The following ZNF431 variants were observed in gnomAD, a reference collection of about 807,000 sequenced individuals.
The protein encoded by ZNF431 is zinc finger protein 431.
Under a neutral mutation model 57.0 loss-of-function variants are expected in ZNF431, and 34 were observed. The ratio of observed to expected loss-of-function variants is 0.60; its 90% confidence interval spans 0.45 to 0.79. The LOEUF (loss-of-function observed/expected upper bound fraction) is 0.79. Ranked by LOEUF, ZNF431 falls within the 30% of genes least tolerant of loss-of-function variation. ZNF431 has a pLI of 0.00. For synonymous variants in ZNF431, 207 were observed against 220.3 expected (o/e 0.94, Z 0.54); for missense variants, 607 against 667.1 (o/e 0.91, Z 0.99).
In ZNF431 at chr19:21,182,798, C is replaced by T; in HGVS notation, c.495C>T (p.Asn165=). 1.2e-6 allele frequency: 2 copies of T among 1,613,948 alleles called. No individual in the cohort carries two copies. Among genetic ancestry groups the T allele is most frequent in the East Asian group, 2.2e-5 (1 of 44,836 alleles). The change falls in exon 5 of 5, where the codon AAC becomes AAT. Residue 165 remains asparagine, a synonymous_variant. Transcript: ENST00000311048. ...ACAAAGAAGGTTATAATGAGCTAAA[C>T]CAGTGTTTGACAACTACCCAGAGCA... ...KVHKEGYNEL[N]QCLTTTQSKI...
chr19:21,153,895 T>C (rs943642907), intron 2 of ZNF431, among the ~76,000 whole-genome samples: 13 of 152,208 alleles, frequency 8.5e-5, no homozygotes, highest in Non-Finnish European at 1.5e-5. Context: ...TTTGTATTTT[T>C]AGTAGAGACG....
At chr19:21,172,297 GTA>G (rs1568309436) in intron 4 of ZNF431, among the ~76,000 whole-genome samples, 1 of 151,008 alleles carries the variant, frequency 6.6e-6, no homozygotes, top group Non-Finnish European at 1.5e-5. Flanking sequence ...ACATGGTGGT[GTA>G]TGTGTGTAAT....
intron 4 of ZNF431, among the ~76,000 whole-genome samples, chr19:21,170,358 C>A (rs899104433): frequency 1.3e-5 from 2 of 152,068 alleles, no homozygotes; most frequent in African/African-American, 2.4e-5. Flanking sequence ...CGAGGATAAT[C>A]AAATAGAGCA....
chr19:21,162,767 A>G, intron 2 of ZNF431: 1 of 985,340 alleles, frequency 1.0e-6, no homozygotes, highest in Non-Finnish European at 1.2e-6. Flanking sequence ...AAATGAGAAA[A>G]ATAAACTGTA....
At chr19:21,149,914 C>A in intron 2 of ZNF431, 2 of 616,358 alleles carry the variant, frequency 3.2e-6, no homozygotes, top group Non-Finnish European at 3.0e-6. Flanking sequence ...AAGGGACTCC[C>A]CTTTTATGAC....
At chr19:21,174,274 C>T (rs766468559) in intron 4 of ZNF431, among the ~76,000 whole-genome samples, 2 of 152,046 alleles carry the variant, frequency 1.3e-5, no homozygotes, top group Non-Finnish European at 2.9e-5. Context: ...GTCTATAATG[C>T]CTGTTTTCTG....
intron 2 of ZNF431, chr19:21,149,888 C>A: frequency 1.6e-6 from 1 of 635,056 alleles, no homozygotes; most frequent in Non-Finnish European, 2.9e-6. Flanking sequence ...TCTTACCTTC[C>A]CCTTGATAAT....
intron 2 of ZNF431, among the ~76,000 whole-genome samples, chr19:21,153,128 A>C (rs1970320816): frequency 6.6e-6 from 1 of 152,320 alleles, no homozygotes; most frequent in African/African-American, 2.4e-5. Flanking sequence ...GGCATTTATA[A>C]ACTATCATAG....
At position 21,162,176 on chromosome 19, in the gene ZNF431, GTGTGTGTGTTTTC is replaced by G. The variant is rs1191834538; in HGVS notation, c.97-4157_97-4145del. 9.0e-4 allele frequency among the ~76,000 whole-genome samples: 136 copies of G among 151,408 alleles called. 2 individuals carry two copies. Among genetic ancestry groups the G allele is most frequent in the Middle Eastern group, 3.4e-3 (1 of 290 alleles). On this transcript the variant is annotated intron_variant, in intron 2 of 4. Transcript: ENST00000311048. ...TGTGTGTGTGTGTGTGTGTGTGTGT[GTGTGTGTGTTTTC>G]TTGAAATGGAGTCTAGCTCTGTAGC... is the stretch of plus-strand genomic sequence containing the variant.
Position 21,166,455 on chromosome 19 carries a change from T to G in ZNF431, c.217T>G (p.Phe73Val), listed in dbSNP as rs1970723294. Residue 73 changes from phenylalanine (F) to valine (V), a missense_variant, in exon 3 of 5, where the codon TTC becomes GTC. Transcript: ENST00000311048. ...VMLENYKNLV[F>V]LGVAVSKQDP... ...GTTAGAAAACTACAAAAACCTGGTCTTCTTGGGTGAGAATAACTTTCATAC... is the reference window on the plus strand; with the variant it reads ...GTTAGAAAACTACAAAAACCTGGTCGTCTTGGGTGAGAATAACTTTCATAC... The G allele has an allele frequency of 1.2e-6, 2 of 1,605,228 alleles. No individual in the cohort carries two copies. The highest frequency in any genetic ancestry group is 1.1e-5 in the South Asian group (1 of 88,864).
intron 2 of ZNF431, among the ~76,000 whole-genome samples, chr19:21,160,839 C>G (rs983735604): frequency 6.6e-6 from 1 of 152,088 alleles, no homozygotes; most frequent in African/African-American, 2.4e-5. Flanking sequence ...TCTTGTGACT[C>G]AAATAAACTA....
At chr19:21,154,655 A>G (rs1231185252) in intron 2 of ZNF431, among the ~76,000 whole-genome samples, 6 of 151,984 alleles carry the variant, frequency 3.9e-5, no homozygotes, top group East Asian at 1.9e-4. Flanking sequence ...AAGTGTTCCT[A>G]TTTCTCCACA....
At chr19:21,164,904 C>T (rs982421088) in intron 2 of ZNF431, among the ~76,000 whole-genome samples, 3 of 151,648 alleles carry the variant, frequency 2.0e-5, no homozygotes, top group Admixed American at 6.6e-5. Context: ...TGAGGTTGGG[C>T]GTTCAAGACC....
At chr19:21,178,451 G>T (rs1355786509) in intron 4 of ZNF431, among the ~76,000 whole-genome samples, 1 of 152,086 alleles carries the variant, frequency 6.6e-6, no homozygotes, top group Non-Finnish European at 1.5e-5. Context: ...GTTTGTCATA[G>T]ATCTTATTAT....
chr19:21,148,007 T>C (rs1970152185), intron 2 of ZNF431, among the ~76,000 whole-genome samples: 1 of 152,080 alleles, frequency 6.6e-6, no homozygotes, highest in Non-Finnish European at 1.5e-5. Context: ...TTAATTTTTT[T>C]TTTTTTGAGA....
At chr19:21,172,359 C>T (rs1022195667) in intron 4 of ZNF431, among the ~76,000 whole-genome samples, 54 of 146,106 alleles carry the variant, frequency 3.7e-4, no homozygotes, top group African/African-American at 1.1e-3. Context: ...ACCCAGGAGA[C>T]AGAGGTTGCA....
At chr19:21,156,722 T>C (rs1028842176) in intron 2 of ZNF431, among the ~76,000 whole-genome samples, 8 of 152,052 alleles carry the variant, frequency 5.3e-5, no homozygotes. Context: ...GGCCACATAA[T>C]CTTCCATGAT....
intron 2 of ZNF431, chr19:21,162,664 CA>C: frequency 1.0e-6 from 1 of 968,268 alleles, no homozygotes; most frequent in Non-Finnish European, 1.2e-6. Context: ...TCTTGCATCA[CA>C]AAGCTGATTT....
intron 2 of ZNF431, among the ~76,000 whole-genome samples, chr19:21,144,884 T>A (rs1264192568): frequency 6.6e-6 from 1 of 152,208 alleles, no homozygotes; most frequent in Non-Finnish European, 1.5e-5. Context: ...GTTATCTTGA[T>A]TTCTGAGTTT....
Sources: gnomAD v4.1 joint callset for allele counts (sites outside exome capture counted in the v4.1 genomes callset) on GRCh38, gnomAD v4.1.1 for gene constraint, MANE v1.5 for transcripts, NCBI Gene and HGNC (gene_info 2026-07-23, HGNC 2026-07-21) for gene names.